Variants in PPP2R2A observed in about 807,000 individuals in gnomAD.
The protein encoded by PPP2R2A is serine/threonine-protein phosphatase 2A 55 kDa regulatory subunit B alpha isoform.
In PPP2R2A, 9 loss-of-function variants were observed where a neutral mutation model predicts 53.2. The ratio of observed to expected loss-of-function variants is 0.17; its 90% CI spans 0.10 to 0.30. The LOEUF is 0.30. Among genes scored for constraint, PPP2R2A ranks in the 10% least tolerant of loss-of-function variants. The pLI, the probability that PPP2R2A is intolerant of heterozygous loss-of-function variation, is 1.00. For missense variants in PPP2R2A, 235 were observed against 534.6 expected, an observed-to-expected ratio of 0.44 and a Z score of 5.53; for synonymous variants, 169 against 174.2, an observed-to-expected ratio of 0.97 and a Z score of 0.23.
At position 26,371,199 on chromosome 8, in the gene PPP2R2A, C is replaced by T. The variant is rs1405760846; in HGVS notation, c.*786C>T. 6.6e-6 allele frequency: 1 copy of T among 152,122 alleles called. No homozygotes were observed. The highest frequency in any genetic ancestry group is 1.5e-5 in the Non-Finnish European group (1 of 68,022). The allele number at this position is 152,122 out of a possible 1,614,324, so 9.4% of individuals were successfully genotyped here. A position where few individuals can be genotyped will look rare whatever the true frequency, so the allele number is the denominator to read the frequency against. On this transcript the variant is annotated 3_prime_UTR_variant, in exon 10 of 10. Transcript: ENST00000380737. The stretch of plus-strand genomic sequence containing the variant: ...ATATTTTGTGTCATACCTTTGGGCA[C>T]AGTGAAACAAAATGGGTTTTCATTG...
chr8:26,335,835 T>C (rs1803628298), intron 2 of PPP2R2A, among the ~76,000 whole-genome samples: 2 of 152,214 alleles, frequency 1.3e-5, no homozygotes, highest in Non-Finnish European at 2.9e-5. Flanking sequence ...TTACCTTTGC[T>C]ACAAAACTAG....
chr8:26,291,595 G>C lies in PPP2R2A; in HGVS notation c.-225G>C. 1.8e-6 allele frequency: 1 copy of C among 561,168 alleles called. No individual in the cohort carries two copies. The highest frequency in any genetic ancestry group is 3.1e-6 in the Non-Finnish European group (1 of 318,590). 34.8% of individuals were successfully genotyped at this position (561,168 alleles called of 1,614,324 possible). A position where few individuals can be genotyped will look rare whatever the true frequency, so the allele number is the denominator to read the frequency against. ...CGCTGTCGTAGTCGCCGCCGCCGCT[G>C]CCGGAGAAAGAGCACGAGCGGGGAA... is the stretch of plus-strand genomic sequence containing the variant. On this transcript the variant is annotated 5_prime_UTR_variant, in exon 1 of 10. Transcript: ENST00000380737.
intron 2 of PPP2R2A, among the ~76,000 whole-genome samples, chr8:26,332,771 T>C (rs1294142812): frequency 6.6e-6 from 1 of 152,220 alleles, no homozygotes; most frequent in African/African-American, 2.4e-5. Context: ...ATAAAGTTGA[T>C]GTTGCTTGGC....
intron 2 of PPP2R2A, among the ~76,000 whole-genome samples, chr8:26,327,029 C>T (rs1396292736): frequency 6.6e-6 from 1 of 152,330 alleles, no homozygotes; most frequent in East Asian, 1.9e-4. Context: ...AGAAGGGAAA[C>T]TGGTTCCAGG....
chr8:26,294,074 A>C (rs1307921549), intron 2 of PPP2R2A, among the ~76,000 whole-genome samples: 1 of 152,146 alleles, frequency 6.6e-6, no homozygotes, highest in Admixed American at 6.5e-5. Flanking sequence ...ATGCATTTTT[A>C]TGTTTGTACA....
chr8:26,293,430 A>G, intron 1 of PPP2R2A: 1 of 741,150 alleles, frequency 1.3e-6, no homozygotes, highest in Non-Finnish European at 2.2e-6. Flanking sequence ...ACAGATGTTT[A>G]ATGACCACAG....
chr8:26,330,712 C>G (rs1031214305), intron 2 of PPP2R2A, among the ~76,000 whole-genome samples: 28 of 152,112 alleles, frequency 1.8e-4, no homozygotes, highest in African/African-American at 6.5e-4. Flanking sequence ...TTTGTCACTT[C>G]TGGCTCTGTT....
At chr8:26,340,281 A>G (rs947252762) in intron 3 of PPP2R2A, among the ~76,000 whole-genome samples, 4 of 151,972 alleles carry the variant, frequency 2.6e-5, no homozygotes, top group Non-Finnish European at 5.9e-5. Flanking sequence ...AGATTACTTT[A>G]TTACTTAGTG....
At chr8:26,291,903 C>T in intron 1 of PPP2R2A, 77 bp downstream of exon 1, 2 of 1,580,680 alleles carry the variant, frequency 1.3e-6, no homozygotes, top group Admixed American at 3.5e-5. Flanking sequence ...CTAGCGACCG[C>T]CCGCGCCTCG....
At chr8:26,352,092 C>T (rs1435920308) in intron 3 of PPP2R2A, among the ~76,000 whole-genome samples, 1 of 152,088 alleles carries the variant, frequency 6.6e-6, no homozygotes, top group African/African-American at 2.4e-5. Flanking sequence ...ATCATAAAGG[C>T]AAGCAAGAAA....
intron 2 of PPP2R2A, chr8:26,298,559 C>T (rs1277286619): frequency 6.6e-6 from 1 of 152,228 alleles, no homozygotes; most frequent in East Asian, 1.9e-4. Flanking sequence ...ACCACGCACA[C>T]ATTCTCTGCT....
intron 2 of PPP2R2A, among the ~76,000 whole-genome samples, chr8:26,295,289 T>G (rs1480863912): frequency 3.3e-5 from 5 of 152,196 alleles, no homozygotes. Flanking sequence ...CGCAGAAAGA[T>G]CACATGGCTT....
chr8:26,314,815 T>C lies in PPP2R2A; in HGVS notation c.82+21075T>C, dbSNP rs531296137. Among the ~76,000 whole-genome samples the C allele has an allele frequency of 3.3e-5, 5 of 151,408 alleles. No individual in the cohort carries two copies. The East Asian group carries it at 7.8e-4, about 24-fold the overall frequency. ...TTCATTTCCTTCTGTTTTTTCCTTC[T>C]CTGTTTCATTTGTTCTTTCTGGAAC... On this transcript the variant is annotated intron_variant, in intron 2 of 9. Coordinates refer to ENST00000380737, the MANE Select transcript of PPP2R2A (RefSeq NM_002717.4).
Position 26,293,662 on chromosome 8 carries a change from C to G in PPP2R2A, c.8-4C>G, listed in dbSNP as rs545058682. 2 of 1,607,176 alleles carry G rather than the reference C, an allele frequency of 1.2e-6. No individual in the cohort carries two copies. The highest frequency in any genetic ancestry group is 2.2e-5 in the East Asian group (1 of 44,748). On this transcript the variant is annotated splice_polypyrimidine_tract_variant and splice_region_variant and intron_variant, in intron 1 of 9. Coordinates refer to ENST00000380737, the MANE Select transcript of PPP2R2A (RefSeq NM_002717.4). ...GTTTTAATTGGTATGTTTTCTTTTTCCAGGAGCTGGAGGAGGGAATGATAT... is the reference window on the plus strand; with the variant it reads ...GTTTTAATTGGTATGTTTTCTTTTTGCAGGAGCTGGAGGAGGGAATGATAT...
At chr8:26,300,661 C>G (rs1351170718) in intron 2 of PPP2R2A, among the ~76,000 whole-genome samples, 1 of 152,112 alleles carries the variant, frequency 6.6e-6, no homozygotes, top group African/African-American at 2.4e-5. Context: ...TGAGACCAGC[C>G]TGGCCAATAT....
rs199520949 is a variant in PPP2R2A at position 26,320,440 on chromosome 8, G to GT, written c.83-18443dup. 6.0e-3 allele frequency among the ~76,000 whole-genome samples: 913 copies of GT among 152,244 alleles called. 11 individuals are homozygous for GT. The highest frequency in any genetic ancestry group is 0.021 in the African/African-American group (855 of 41,532). On this transcript the variant is annotated intron_variant, in intron 2 of 9. Coordinates refer to ENST00000380737, the MANE Select transcript of PPP2R2A (RefSeq NM_002717.4). ...AAAAGAGATACATGATGTAGGGAAC[G>GT]TTTTTTTAATTGTTAAACCAGAAGT...
At chr8:26,329,080 A>G (rs1196057153) in intron 2 of PPP2R2A, among the ~76,000 whole-genome samples, 1 of 152,132 alleles carries the variant, frequency 6.6e-6, no homozygotes, top group African/African-American at 2.4e-5. Flanking sequence ...AAATATTTAC[A>G]TATTTAGATT....
intron 3 of PPP2R2A, among the ~76,000 whole-genome samples, chr8:26,342,825 G>A (rs184950353): frequency 6.6e-6 from 1 of 152,078 alleles, no homozygotes; most frequent in Non-Finnish European, 1.5e-5. Context: ...ACAAAAGGTG[G>A]ATAGTATTGT....
chr8:26,329,004 TA>T (rs1382073304), intron 2 of PPP2R2A, among the ~76,000 whole-genome samples: 1 of 152,228 alleles, frequency 6.6e-6, no homozygotes, highest in African/African-American at 2.4e-5. Context: ...TCTTACACTT[TA>T]TTTTTTGTGA....
Sources: gnomAD v4.1 joint callset for allele counts (sites outside exome capture counted in the v4.1 genomes callset) on GRCh38, gnomAD v4.1.1 for gene constraint, MANE v1.5 for transcripts, NCBI Gene and HGNC (gene_info 2026-07-23, HGNC 2026-07-21) for gene names.